The following LCOR variants were observed in gnomAD, a reference collection of about 807,000 sequenced individuals.
LCOR encodes ligand dependent nuclear receptor corepressor.
A neutral mutation model predicts 64.4 loss-of-function variants in LCOR; 14 were observed. The observed-to-expected ratio is 0.22, with a 90% CI of 0.14 to 0.34. LCOR has a LOEUF of 0.34. Ranked by LOEUF, LCOR falls within the 10% of genes least tolerant of loss-of-function variation. The pLI is 1.00. For synonymous variants in LCOR, 643 were observed against 642.5 expected (o/e 1.00, Z -0.01); for missense variants, 1,686 against 1,765.3 (o/e 0.96, Z 0.80).
chr10:96,863,479 C>T (rs1216552672), intron 2 of LCOR, among the ~76,000 whole-genome samples: 1 of 152,194 alleles, frequency 6.6e-6, no homozygotes, highest in African/African-American at 2.4e-5. Context: ...GCTGGGATTA[C>T]AGGTGTGAGC....
intron 7 of LCOR, chr10:96,956,501 TTTATAG>T (rs973942976): frequency 1.0e-5 from 10 of 982,224 alleles, no homozygotes; most frequent in Non-Finnish European, 1.2e-5. Context: ...TATTGGGTCA[TTTATAG>T]TTACATTTTA....
intron 2 of LCOR, among the ~76,000 whole-genome samples, chr10:96,839,385 G>T (rs1589596375): frequency 6.6e-6 from 1 of 152,188 alleles, no homozygotes; most frequent in African/African-American, 2.4e-5. Flanking sequence ...AGAGAATAAG[G>T]AGCGTAGTAA....
At chr10:96,934,830 G>A (rs922705663) in intron 4 of LCOR, among the ~76,000 whole-genome samples, 3 of 152,164 alleles carry the variant, frequency 2.0e-5, no homozygotes, top group African/African-American at 7.2e-5. Context: ...TCAAACTCCT[G>A]CCATCAAATG....
At chr10:96,855,086 C>T (rs1469036494) in intron 2 of LCOR, among the ~76,000 whole-genome samples, 1 of 152,130 alleles carries the variant, frequency 6.6e-6, no homozygotes. Context: ...TGATGTCTGG[C>T]CATTGGTCAC....
intron 4 of LCOR, among the ~76,000 whole-genome samples, chr10:96,925,314 G>A (rs1847149897): frequency 6.6e-6 from 1 of 152,116 alleles, no homozygotes; most frequent in African/African-American, 2.4e-5. Context: ...GATCTCAGGT[G>A]ATCACCTGCC....
chr10:96,941,025 A>AC (rs552563856), intron 4 of LCOR, among the ~76,000 whole-genome samples: 5,633 of 70,508 alleles, frequency 0.08, 348 homozygotes, highest in African/African-American at 0.16. Flanking sequence ...CGGGGGGCTG[A>AC]CCCCCCCACC....
chr10:96,915,305 G>A (rs556435575), intron 4 of LCOR, among the ~76,000 whole-genome samples: 10 of 152,338 alleles, frequency 6.6e-5, no homozygotes, highest in Non-Finnish European at 1.3e-4. Context: ...CAGATCACAA[G>A]GTGAAGAGAT....
chr10:96,911,715 T>G (rs1041538817), intron 4 of LCOR, among the ~76,000 whole-genome samples: 3 of 152,202 alleles, frequency 2.0e-5, no homozygotes, highest in Admixed American at 2.0e-4. Context: ...AGTGACTGAC[T>G]GACTGACTGC....
At chr10:96,850,966 G>A (rs2134378209) in intron 2 of LCOR, among the ~76,000 whole-genome samples, 1 of 152,342 alleles carries the variant, frequency 6.6e-6, no homozygotes, top group East Asian at 1.9e-4. Flanking sequence ...GCCAAGGACA[G>A]AATAACTGTT....
chr10:96,940,401 A>C (rs1847434147), intron 4 of LCOR, among the ~76,000 whole-genome samples: 1 of 112,442 alleles, frequency 8.9e-6, no homozygotes, highest in South Asian at 3.6e-4. Flanking sequence ...CAGTGGAGGG[A>C]AGGTCAGCAG....
In LCOR at chr10:96,984,934, A is replaced by T; in HGVS notation, c.4474A>T (p.Thr1492Ser). The T allele has an allele frequency of 6.2e-7, 1 of 1,614,138 alleles. No homozygotes were observed. Among genetic ancestry groups the T allele is most frequent in the Non-Finnish European group, 8.5e-7 (1 of 1,180,024 alleles). Residue 1492 changes from threonine to serine, a missense_variant, in exon 8 of 8, where the codon ACG (threonine) becomes TCG (serine). By Grantham distance (58) the Thr-to-Ser change is moderately conservative. This residue lies in a region of LCOR where 1,293 missense variants were observed against 1,410.4 expected (regional missense o/e 0.92). Coordinates refer to ENST00000421806, the MANE Select transcript of LCOR (RefSeq NM_001346516.2). ...CCAGTCTATTGCCTCGGAAACACTG[A>T]CGAAACCTGCAAAACAGAAGGGGGC... ...PSQSIASETL[T>S]KPAKQKGAGE...
At position 96,984,094 on chromosome 10, in the gene LCOR, C is replaced by T. The variant is rs1239242490; in HGVS notation, c.3634C>T (p.Pro1212Ser). The part of the protein sequence containing the change: ...LNTRLPGDVP[P>S]VKHPLQKYAP... ...TACTCGCCTTCCAGGAGACGTTCCC[C>T]CTGTCAAGCATCCTCTTCAGAAATA... Residue 1212 changes from proline (P) to serine (S), a missense_variant, in exon 8 of 8, where the codon CCT (proline) becomes TCT (serine). Pro to Ser is a moderately conservative substitution (Grantham distance 74, BLOSUM62 -1). This residue lies in a region of LCOR where 1,293 missense variants were observed against 1,410.4 expected (regional missense o/e 0.92). Coordinates refer to ENST00000421806, the MANE Select transcript of LCOR (RefSeq NM_001346516.2). The T allele has an allele frequency of 6.2e-7, 1 of 1,614,116 alleles. No homozygotes were observed.
intron 7 of LCOR, among the ~76,000 whole-genome samples, chr10:96,953,612 G>C (rs1002385015): frequency 2.0e-5 from 3 of 152,162 alleles, no homozygotes; most frequent in Non-Finnish European, 2.9e-5. Context: ...ACCTGTAGAA[G>C]TCCATGTGCA....
intron 2 of LCOR, among the ~76,000 whole-genome samples, chr10:96,875,387 AT>A (rs1846147015): frequency 6.6e-6 from 1 of 151,922 alleles, no homozygotes; most frequent in Admixed American, 6.6e-5. Flanking sequence ...AAAAAAAAAA[AT>A]AATAATAATA....
chr10:96,907,399 C>A, intron 3 of LCOR, 69 bp downstream of exon 3: 1 of 440,336 alleles, frequency 2.3e-6, no homozygotes, highest in Non-Finnish European at 3.0e-6. Flanking sequence ...TGTTTTAAGC[C>A]TCAGTCTCCT....
At chr10:96,884,671 A>G (rs1846314008) in intron 2 of LCOR, among the ~76,000 whole-genome samples, 1 of 152,188 alleles carries the variant, frequency 6.6e-6, no homozygotes, top group African/African-American at 2.4e-5. Context: ...AAGAATTTAC[A>G]TTTCTGTGGA....
chr10:96,836,432 G>A (rs1281074179), intron 2 of LCOR, among the ~76,000 whole-genome samples: 1 of 152,126 alleles, frequency 6.6e-6, no homozygotes, highest in Non-Finnish European at 1.5e-5. Flanking sequence ...TGTTTGTATT[G>A]ATGCTGTTTT....
At chr10:96,936,584 G>A (rs1272568601) in intron 4 of LCOR, among the ~76,000 whole-genome samples, 1 of 152,208 alleles carries the variant, frequency 6.6e-6, no homozygotes, top group East Asian at 1.9e-4. Context: ...TGAACACAAT[G>A]TGTATGCCAG....
At chr10:96,833,306 T>A in intron 1 of LCOR, 100 bp from the exon 2 acceptor site, 1 of 950,364 alleles carries the variant, frequency 1.1e-6, no homozygotes, top group Middle Eastern at 5.4e-4. Context: ...GCTTTTTCCC[T>A]GCGGGCCGGA....
Sources: gnomAD v4.1 joint callset for allele counts (sites outside exome capture counted in the v4.1 genomes callset) on GRCh38, gnomAD v4.1.1 for gene constraint, gnomAD v4.1.1 regional missense constraint, MANE v1.5 for transcripts, NCBI Gene and HGNC (gene_info 2026-07-23, HGNC 2026-07-21) for gene names.